SERINC1: variants seen among roughly 807,000 people sequenced by gnomAD.
SERINC1 encodes the protein tumor differentially expressed protein 2.
In SERINC1, 38 loss-of-function variants were observed where a neutral mutation model predicts 52.9. That is an observed-to-expected ratio of 0.72 (90% CI 0.55 to 0.94). SERINC1 has a LOEUF of 0.94. SERINC1 is among the 40% of genes least tolerant of loss of function. The pLI, the probability that SERINC1 is intolerant of heterozygous loss-of-function variation, is 0.00. For synonymous variants in SERINC1, 198 were observed against 183.1 expected (o/e 1.08, Z -0.66); for missense variants, 471 against 533.9 (o/e 0.88, Z 1.16).
At chr6:122,456,459 T>C in intron 3 of SERINC1, 22 bp downstream of exon 3, 1 of 1,449,960 alleles carries the variant, frequency 6.9e-7, no homozygotes, top group Non-Finnish European at 9.2e-7. Flanking sequence ...GCTTTTATAT[T>C]GAAGCTTATT....
intron 1 of SERINC1, among the ~76,000 whole-genome samples, chr6:122,460,613 T>C (rs1775085196): frequency 6.6e-6 from 1 of 152,090 alleles, no homozygotes; most frequent in South Asian, 2.1e-4. Flanking sequence ...AAGTCAAAGA[T>C]AAAAGCCCAA....
In SERINC1 at chr6:122,444,968, C is replaced by A; in HGVS notation, c.*76G>T. The A allele has an allele frequency of 6.9e-7, 1 of 1,453,310 alleles. No individual in the cohort carries two copies. The allele number at this position is 1,453,310 out of a possible 1,614,324, so 90.0% of individuals were successfully genotyped here. The stretch of plus-strand genomic sequence containing the variant: ...GTTACATGGGAAGCAAAAACATACA[C>A]AACTTTACAAAAGTTGGGAATACTG... On this transcript the variant is annotated 3_prime_UTR_variant, in exon 10 of 10. Coordinates refer to ENST00000339697, the MANE Select transcript of SERINC1 (RefSeq NM_020755.4).
In SERINC1 at chr6:122,446,942, A is replaced by C. The variant is rs1774816491; in HGVS notation, c.1058T>G (p.Leu353Ter). Reference protein sequence around the residue: ...KLTLTSDESTLIEDGGARSDG... With the variant: ...KLTLTSDEST ...ACTTCTAGCTCCACCATCTTCTATT[A>C]ATGTAGATTCATCACTTGTTAGAGT... The change falls in exon 9 of 10, where the codon TTA becomes TGA. Residue 353 changes from leucine (L) to a stop codon, truncating the protein, a stop_gained. Transcript: ENST00000339697. LOFTEE classifies it high-confidence loss of function. 1.2e-6 allele frequency: 2 copies of C among 1,613,600 alleles called. No homozygotes were observed.
intron 9 of SERINC1, among the ~76,000 whole-genome samples, chr6:122,445,906 A>T (rs1386138229): frequency 6.7e-6 from 1 of 149,980 alleles, no homozygotes; most frequent in African/African-American, 2.4e-5. Flanking sequence ...AAAAAGAACC[A>T]GCTGGATTCT....
chr6:122,464,735 A>G (rs1182404604), intron 1 of SERINC1, among the ~76,000 whole-genome samples: 1 of 152,214 alleles, frequency 6.6e-6, no homozygotes, highest in Non-Finnish European at 1.5e-5. Context: ...CAATTAGGAG[A>G]TGACATTAAA....
At chr6:122,458,951 T>A (rs1217905075) in intron 1 of SERINC1, among the ~76,000 whole-genome samples, 1 of 151,550 alleles carries the variant, frequency 6.6e-6, no homozygotes, top group Non-Finnish European at 1.5e-5. Flanking sequence ...GGGGAAAAAA[T>A]CATCAGCAGT....
intron 2 of SERINC1, among the ~76,000 whole-genome samples, chr6:122,457,332 C>T (rs1775015521): frequency 6.6e-6 from 1 of 152,190 alleles, no homozygotes; most frequent in Non-Finnish European, 1.5e-5. Context: ...GCTCTGCTCA[C>T]TCTGAATGAT....
At chr6:122,454,287 A>G in intron 3 of SERINC1, 57 bp from the exon 4 acceptor site, 1 of 881,216 alleles carries the variant, frequency 1.1e-6, no homozygotes, top group South Asian at 1.6e-5. Flanking sequence ...ATAATTTCAT[A>G]TATGAAATCA....
chr6:122,469,378 T>C lies in SERINC1; in HGVS notation c.39+2321A>G, dbSNP rs1296306431. 2.9e-5 allele frequency among the ~76,000 whole-genome samples: 4 copies of C among 138,492 alleles called. No homozygotes were observed. In the South Asian group the frequency reaches 7.0e-4, roughly 24 times the overall value. The allele number at this position is 138,492 out of a possible 152,430, so 90.9% of individuals were successfully genotyped here. Reference sequence around the variant, plus strand: ...TTTTTTTTTGTTCTGTTTTTTGTTTTTGTTTTTTTTTTTTTTGACACAGAG... The same window carrying C: ...TTTTTTTTTGTTCTGTTTTTTGTTTCTGTTTTTTTTTTTTTTGACACAGAG... On this transcript the variant is annotated intron_variant, in intron 1 of 9. Transcript: ENST00000339697.
chr6:122,469,205 TCAGA>T (rs1346239399), intron 1 of SERINC1, among the ~76,000 whole-genome samples: 1 of 152,102 alleles, frequency 6.6e-6, no homozygotes, highest in Non-Finnish European at 1.5e-5. Flanking sequence ...TCTTTATAGT[TCAGA>T]CATTTTCTAC....
rs1338780304 is a variant in SERINC1, at chr6:122,445,096, T to C, written c.1310A>G (p.Tyr437Cys). 4 of 1,614,108 alleles carry C rather than the reference T, an allele frequency of 2.5e-6. No homozygotes were observed. Among genetic ancestry groups the C allele is most frequent in the Non-Finnish European group, 3.4e-6 (4 of 1,179,976 alleles). ...AAGTGGTGCCACGAGTGTCCAAACA[T>C]ACAGCACGATGCCAATCCAACTGGA... ...ISSSWIGIVL[Y>C]VWTLVAPLVL... Residue 437 changes from tyrosine (Y) to cysteine (C), a missense_variant, in exon 10 of 10, where the codon TAT becomes TGT. Coordinates refer to ENST00000339697, the MANE Select transcript of SERINC1 (RefSeq NM_020755.4).
At chr6:122,467,931 C>T (rs543109108) in intron 1 of SERINC1, among the ~76,000 whole-genome samples, 65 of 152,062 alleles carry the variant, frequency 4.3e-4, no homozygotes, top group African/African-American at 1.4e-3. Flanking sequence ...ATGTCTAAAA[C>T]AAATAAACAA....
chr6:122,465,452 T>A (rs999490756), intron 1 of SERINC1, among the ~76,000 whole-genome samples: 5 of 152,200 alleles, frequency 3.3e-5, no homozygotes, highest in African/African-American at 7.2e-5. Context: ...AAACATAAAA[T>A]TAAGTCAAAT....
chr6:122,467,414 T>C lies in SERINC1; in HGVS notation c.39+4285A>G, dbSNP rs139331927. Among the ~76,000 whole-genome samples, 4 of 152,284 alleles carry C rather than the reference T, an allele frequency of 2.6e-5. No individual in the cohort carries two copies. The East Asian group carries it at 7.7e-4, about 29-fold the overall frequency. On this transcript the variant is annotated intron_variant, in intron 1 of 9. Transcript: ENST00000339697. ...GAGGCTAGGAGTTCTGAGACCAGCC[T>C]GGCCAACATGACAAAACACCATCTC... is the stretch of plus-strand genomic sequence containing the variant.
Position 122,457,828 on chromosome 6 carries a change from T to C in SERINC1, c.201+692A>G, listed in dbSNP as rs150866003. 5.3e-3 allele frequency among the ~76,000 whole-genome samples: 754 copies of C among 142,980 alleles called. 6 individuals are homozygous for C. Among genetic ancestry groups the C allele is most frequent in the African/African-American group, 0.018 (712 of 38,836 alleles). The allele number at this position is 142,980 out of a possible 152,430, so 93.8% of individuals were successfully genotyped here. A position where few individuals can be genotyped will look rare whatever the true frequency, so the allele number is the denominator to read the frequency against. On this transcript the variant is annotated intron_variant, in intron 2 of 9. Transcript: ENST00000339697. ...ACATATATATATATATATATACATG[T>C]ACACGATACAATACCACCAAGTCAA...
intron 1 of SERINC1, among the ~76,000 whole-genome samples, chr6:122,469,715 C>A (rs2114493971): frequency 6.6e-6 from 1 of 152,172 alleles, no homozygotes; most frequent in East Asian, 1.9e-4. Context: ...GCCACCATAC[C>A]CAGCTATTTT....
chr6:122,455,169 CTGAG>C (rs984527718), intron 3 of SERINC1, among the ~76,000 whole-genome samples: 16 of 152,172 alleles, frequency 1.1e-4, no homozygotes, highest in Middle Eastern at 3.4e-3. Context: ...GATAGTTATA[CTGAG>C]TGTCAATTGA....
Sources: gnomAD v4.1 joint callset for allele counts (sites outside exome capture counted in the v4.1 genomes callset) on GRCh38, gnomAD v4.1.1 for gene constraint, MANE v1.5 for transcripts, NCBI Gene and HGNC (gene_info 2026-07-23, HGNC 2026-07-21) for gene names.